Variants in PVT1 observed in about 807,000 individuals in gnomAD.
PVT1 encodes CXCR4/PVT1 fusion.
At chr8:127,917,333 A>G (rs1815998551) in intron 3 of PVT1, among the ~76,000 whole-genome samples, 1 of 152,232 alleles carries the variant, frequency 6.6e-6, no homozygotes, top group African/African-American at 2.4e-5. Context: ...TGAGGAGGCG[A>G]TAGATACTGG....
intron 4 of PVT1, chr8:128,049,174 G>T: frequency 1.9e-6 from 1 of 531,776 alleles, no homozygotes. Context: ...GGGAGGCTGG[G>T]AGGGGCTGGC....
At chr8:127,976,056 C>G (rs949073653) in intron 3 of PVT1, among the ~76,000 whole-genome samples, 23 of 152,302 alleles carry the variant, frequency 1.5e-4, no homozygotes, top group African/African-American at 5.3e-4. Context: ...TTTTAAAGAG[C>G]CTTGTTGTCT....
chr8:128,069,549 C>T (rs1395146603), intron 4 of PVT1, among the ~76,000 whole-genome samples: 2 of 152,140 alleles, frequency 1.3e-5, no homozygotes, highest in Non-Finnish European at 2.9e-5. Flanking sequence ...GCACCATAAT[C>T]GTGCTGGGTG....
At chr8:128,006,133 T>C (rs898021904) in intron 4 of PVT1, among the ~76,000 whole-genome samples, 1 of 138,786 alleles carries the variant, frequency 7.2e-6, no homozygotes, top group Non-Finnish European at 1.5e-5. Context: ...ATAATAATAA[T>C]AATAATAATA....
intron 4 of PVT1, among the ~76,000 whole-genome samples, chr8:128,027,714 GC>G (rs1813329145): frequency 6.6e-6 from 1 of 152,182 alleles, no homozygotes. Flanking sequence ...TGGTGTTCTG[GC>G]CCCCAGCTAG....
At chr8:128,056,344 A>C (rs753965620) in intron 4 of PVT1, among the ~76,000 whole-genome samples, 2 of 152,220 alleles carry the variant, frequency 1.3e-5, no homozygotes, top group African/African-American at 2.4e-5. Context: ...TTTACATTTG[A>C]ATGTGCAGGT....
At chr8:127,910,912 T>TGTGTGA (rs1554596309) in intron 3 of PVT1, among the ~76,000 whole-genome samples, 11 of 148,820 alleles carry the variant, frequency 7.4e-5, no homozygotes, top group Non-Finnish European at 1.5e-4. Context: ...TGTGTGTGTG[T>TGTGTGA]GAGAGAGAGA....
intron 4 of PVT1, among the ~76,000 whole-genome samples, chr8:128,019,606 G>C (rs750606540): frequency 6.6e-6 from 1 of 152,222 alleles, no homozygotes; most frequent in Non-Finnish European, 1.5e-5. Context: ...TGTTTTGAGG[G>C]AGGCAGGAAA....
chr8:127,872,092 C>CA (rs1265252496), intron 2 of PVT1, among the ~76,000 whole-genome samples: 4 of 145,140 alleles, frequency 2.8e-5, no homozygotes, highest in Non-Finnish European at 4.5e-5. Context: ...GACTCCGTCT[C>CA]AAAAAAACAA....
intron 3 of PVT1, among the ~76,000 whole-genome samples, chr8:127,967,445 G>A (rs1816715704): frequency 6.6e-6 from 1 of 152,240 alleles, no homozygotes; most frequent in Non-Finnish European, 1.5e-5. Context: ...TGGCTCAAAG[G>A]AAGAAAAACG....
chr8:127,863,111 T>TTTA (rs879571623), intron 2 of PVT1, among the ~76,000 whole-genome samples: 1 of 150,080 alleles, frequency 6.7e-6, no homozygotes, highest in African/African-American at 2.5e-5. Context: ...TATTTATTTA[T>TTTA]TTATTTATTT....
intron 3 of PVT1, among the ~76,000 whole-genome samples, chr8:127,942,493 C>A (rs184298832): frequency 6.6e-6 from 1 of 152,314 alleles, no homozygotes; most frequent in Non-Finnish European, 1.5e-5. Context: ...ACTCACCTCT[C>A]CCCCTTGACC....
intron 3 of PVT1, chr8:127,948,772 G>C (rs1279886866): frequency 6.6e-6 from 1 of 152,218 alleles, no homozygotes; most frequent in Non-Finnish European, 1.5e-5. Flanking sequence ...ACCACACCTT[G>C]ATCCTGGACT....
At chr8:127,975,744 C>T (rs1816816727) in intron 3 of PVT1, among the ~76,000 whole-genome samples, 1 of 152,186 alleles carries the variant, frequency 6.6e-6, no homozygotes, top group Non-Finnish European at 1.5e-5. Flanking sequence ...GGTTTTTCTT[C>T]AGAAAGCTTT....
intron 4 of PVT1, among the ~76,000 whole-genome samples, chr8:128,059,253 G>A (rs1011897193): frequency 1.3e-5 from 2 of 152,144 alleles, no homozygotes; most frequent in African/African-American, 4.8e-5. Context: ...GGCAGGGAAA[G>A]GCTCAATACG....
At chr8:127,893,230 C>T (rs1211276093) in intron 3 of PVT1, among the ~76,000 whole-genome samples, 1 of 152,228 alleles carries the variant, frequency 6.6e-6, no homozygotes, top group Non-Finnish European at 1.5e-5. Flanking sequence ...CTATGAGATG[C>T]GCACCATTAT....
chr8:128,047,473 G>A (rs531762682), intron 4 of PVT1, among the ~76,000 whole-genome samples: 3 of 152,134 alleles, frequency 2.0e-5, no homozygotes, highest in East Asian at 3.8e-4. Flanking sequence ...TTTTACTAGA[G>A]CCCCACCAGG....
intron 2 of PVT1, chr8:127,854,740 C>T (rs775807972): frequency 6.5e-6 from 1 of 154,952 alleles, no homozygotes; most frequent in Admixed American, 6.5e-5. Flanking sequence ...GGCTGGGTCG[C>T]GTGTCCTGGC....
At chr8:127,992,195 G>A (rs1009650472) in intron 4 of PVT1, among the ~76,000 whole-genome samples, 5 of 152,032 alleles carry the variant, frequency 3.3e-5, no homozygotes, top group African/African-American at 1.2e-4. Context: ...AGACCAGCCT[G>A]GCCAACATGG....
Sources: gnomAD v4.1 joint callset for allele counts (sites outside exome capture counted in the v4.1 genomes callset) on GRCh38, gnomAD v4.1.1 for gene constraint, MANE v1.5 for transcripts, NCBI Gene and HGNC (gene_info 2026-07-23, HGNC 2026-07-21) for gene names.